The following LNPK variants were observed in gnomAD, a reference collection of about 807,000 sequenced individuals.
LNPK encodes the protein lunapark, ER junction formation factor.
LNPK carries 29 observed loss-of-function variants against 55.2 expected under a neutral mutation model. That is an observed-to-expected ratio of 0.53 (90% CI 0.39 to 0.72). The LOEUF is 0.72. LNPK is among the 30% of genes least tolerant of loss of function. The pLI is 0.00. For missense variants in LNPK, 467 were observed against 494.8 expected, an observed-to-expected ratio of 0.94 and a Z score of 0.53; for synonymous variants, 162 against 168.2, an observed-to-expected ratio of 0.96 and a Z score of 0.29.
At chr2:175,961,259 G>T (rs181188740) in intron 8 of LNPK, among the ~76,000 whole-genome samples, 156 of 150,758 alleles carry the variant, frequency 1.0e-3, no homozygotes, top group African/African-American at 3.3e-3. Context: ...ACAAAAAGAA[G>T]TTTAGACCAA....
At chr2:175,966,298 A>C (rs1301164669) in intron 6 of LNPK, among the ~76,000 whole-genome samples, 1 of 152,172 alleles carries the variant, frequency 6.6e-6, no homozygotes, top group Admixed American at 6.5e-5. Context: ...TCTTGGCCTC[A>C]AGTGATCCAC....
intron 6 of LNPK, among the ~76,000 whole-genome samples, chr2:175,969,883 GT>G (rs1374095520): frequency 6.6e-6 from 1 of 151,978 alleles, no homozygotes; most frequent in African/African-American, 2.4e-5. Context: ...TACTTTTCAG[GT>G]ACTTAAAGCC....
intron 1 of LNPK, among the ~76,000 whole-genome samples, chr2:176,001,713 G>A (rs79643210): frequency 0.025 from 3,833 of 152,266 alleles, 162 homozygotes; most frequent in African/African-American, 0.086. Context: ...AACTCAGAAA[G>A]AGAAGCGGAG....
In LNPK at chr2:175,994,244, CA is replaced by C. The variant is rs1213770385; in HGVS notation, c.28-1022del. The stretch of plus-strand genomic sequence containing the variant: ...TATGAAACTGACATTTTGCTAAGTC[CA>C]AGCAGTTGAATACTGGCAATTTCAT... On this transcript the variant is annotated intron_variant, in intron 2 of 12. Transcript: ENST00000272748. 16 of 969,506 alleles carry C rather than the reference CA, an allele frequency of 1.7e-5. No homozygotes were observed. In the African/African-American group the frequency reaches 2.1e-4, roughly 13 times the overall value. 60.1% of individuals were successfully genotyped at this position (969,506 alleles called of 1,614,324 possible).
At chr2:175,941,687 A>G (rs1003968392) in intron 9 of LNPK, among the ~76,000 whole-genome samples, 2 of 150,642 alleles carry the variant, frequency 1.3e-5, no homozygotes, top group African/African-American at 2.4e-5. Flanking sequence ...GCTACTTGAG[A>G]GGCTGAGGCA....
chr2:175,952,231 A>G lies in LNPK; in HGVS notation c.494-4539T>C, dbSNP rs543132099. Among the ~76,000 whole-genome samples the G allele has an allele frequency of 3.9e-5, 6 of 152,104 alleles. No homozygotes were observed. In the South Asian group the frequency reaches 1.0e-3, roughly 26 times the overall value. ...ACTCCCATGTCCAGTTCTAAGACTC[A>G]TAAGAGAAAATTTCAGAAATTGGAT... is the stretch of plus-strand genomic sequence containing the variant. On this transcript the variant is annotated intron_variant, in intron 8 of 12. Transcript: ENST00000272748.
Position 175,992,301 on chromosome 2 carries a change from A to T in LNPK, c.187T>A (p.Leu63Met). 2 of 1,575,388 alleles carry T rather than the reference A, an allele frequency of 1.3e-6. No homozygotes were observed. The highest frequency in any genetic ancestry group is 1.7e-6 in the Non-Finnish European group (2 of 1,167,124). The change falls in exon 4 of 13, where the codon TTG becomes ATG. Residue 63 changes from leucine to methionine, a missense_variant. By Grantham distance (15) the Leu-to-Met change is conservative (BLOSUM62 2). Transcript: ENST00000272748. ...LYLFTCLIVY[L>M]WYLPDEFTAR... is the part of the protein sequence containing the mutation. ...GTAAATTCATCAGGAAGATACCACA[A>T]ATATACAATTAAGCATGTAAACAGA...
intron 8 of LNPK, among the ~76,000 whole-genome samples, chr2:175,963,472 G>A (rs1686169937): frequency 6.6e-6 from 1 of 151,954 alleles, no homozygotes; most frequent in Non-Finnish European, 1.5e-5. Context: ...ACCAAACACT[G>A]CATATTCTCA....
At chr2:175,953,771 TAAA>T (rs59400321) in intron 8 of LNPK, among the ~76,000 whole-genome samples, 11 of 132,474 alleles carry the variant, frequency 8.3e-5, no homozygotes, top group African/African-American at 5.5e-5. Flanking sequence ...TCCATGTTAC[TAAA>T]AAAAAAAAAA....
At chr2:175,933,380 T>C (rs57173363) in intron 12 of LNPK, among the ~76,000 whole-genome samples, 13,904 of 152,172 alleles carry the variant, frequency 0.091, 1,415 homozygotes, top group African/African-American at 0.25. Flanking sequence ...AATTAAATAA[T>C]AGTCTAGCAA....
intron 12 of LNPK, 39 bp downstream of exon 12, chr2:175,937,305 C>T (rs775334465): frequency 8.4e-6 from 13 of 1,542,502 alleles, no homozygotes; most frequent in South Asian, 2.3e-5. Context: ...TTAAATAACA[C>T]ATGTTATTAA....
intron 2 of LNPK, 25 bp downstream of exon 2, chr2:175,995,533 C>T (rs771100331): frequency 6.3e-7 from 1 of 1,583,406 alleles, no homozygotes; most frequent in Non-Finnish European, 8.6e-7. Flanking sequence ...GACTCAAGAA[C>T]TAGCTGTAAA....
In LNPK at chr2:175,969,039, C is replaced by A. The variant is rs572793963; in HGVS notation, c.357+1725G>T. On this transcript the variant is annotated intron_variant, in intron 6 of 12. Coordinates refer to ENST00000272748, the MANE Select transcript of LNPK (RefSeq NM_030650.3). ...ATCTCAAAAAAAGAAAAAAAAAAAACCAAAGTGTAAAACTACTCAAACAAA... is the reference window on the plus strand; with the variant it reads ...ATCTCAAAAAAAGAAAAAAAAAAAAACAAAGTGTAAAACTACTCAAACAAA... Among the ~76,000 whole-genome samples the A allele has an allele frequency of 1.0e-3, 157 of 150,726 alleles. 1 individual carries two copies. In the South Asian group the frequency reaches 0.013, roughly 12 times the overall value.
intron 4 of LNPK, among the ~76,000 whole-genome samples, chr2:175,984,038 A>G (rs1687295940): frequency 6.6e-6 from 1 of 152,142 alleles, no homozygotes; most frequent in African/African-American, 2.4e-5. Context: ...AACACAATTA[A>G]TAAAGGGAAA....
At chr2:175,936,704 A>G (rs926278679) in intron 12 of LNPK, among the ~76,000 whole-genome samples, 1 of 152,154 alleles carries the variant, frequency 6.6e-6, no homozygotes, top group Non-Finnish European at 1.5e-5. Flanking sequence ...CTTCCTCAAG[A>G]ATTCCTAAAA....
intron 8 of LNPK, among the ~76,000 whole-genome samples, chr2:175,962,810 C>CA (rs1336177913): frequency 6.6e-6 from 1 of 151,920 alleles, no homozygotes; most frequent in Non-Finnish European, 1.5e-5. Context: ...ACCCATCTGA[C>CA]AAAGGGCTAA....
At chr2:175,958,489 A>C (rs1409264101) in intron 8 of LNPK, among the ~76,000 whole-genome samples, 1 of 152,204 alleles carries the variant, frequency 6.6e-6, no homozygotes, top group African/African-American at 2.4e-5. Context: ...TGACTGTTAG[A>C]AGGAAAACTA....
chr2:175,959,322 GTC>G, intron 8 of LNPK, among the ~76,000 whole-genome samples: 1 of 152,160 alleles, frequency 6.6e-6, no homozygotes, highest in Non-Finnish European at 1.5e-5. Flanking sequence ...AGAGAGAAAA[GTC>G]GAGTTACCCA....
At chr2:175,939,899 T>C in intron 9 of LNPK, 1 of 354,124 alleles carries the variant, frequency 2.8e-6, no homozygotes, top group East Asian at 4.8e-5. Context: ...CTGTAGTAGA[T>C]TCCTACATAA....
Sources: allele counts gnomAD v4.1 joint callset (sites outside exome capture counted in the v4.1 genomes callset), GRCh38; gene constraint gnomAD v4.1.1; transcripts MANE v1.5; gene names NCBI Gene and HGNC (gene_info 2026-07-23, HGNC 2026-07-21).